Variants in SLIT2 observed in about 807,000 individuals in gnomAD.
The protein encoded by SLIT2 is slit guidance ligand 2, also known as slit homolog 2 protein.
SLIT2 carries 41 observed loss-of-function variants against 185.7 expected under a neutral mutation model. That is an observed-to-expected ratio of 0.22 (90% confidence interval 0.17 to 0.29). SLIT2 has a LOEUF of 0.29. Ranked by LOEUF, SLIT2 falls within the 10% of genes least tolerant of loss-of-function variation. The pLI is 1.00. For missense variants in SLIT2, 1,571 were observed against 1,909.0 expected, an observed-to-expected ratio of 0.82 and a Z score of 3.30; for synonymous variants, 693 against 680.2, an observed-to-expected ratio of 1.02 and a Z score of -0.29.
intron 24 of SLIT2, among the ~76,000 whole-genome samples, chr4:20,550,600 T>C (rs894096443): frequency 6.6e-6 from 1 of 152,120 alleles, no homozygotes; most frequent in African/African-American, 2.4e-5. Context: ...AATACATTTT[T>C]ATTTTTACAT....
At chr4:20,285,594 C>T (rs1715187174) in intron 4 of SLIT2, among the ~76,000 whole-genome samples, 1 of 152,094 alleles carries the variant, frequency 6.6e-6, no homozygotes, top group Non-Finnish European at 1.5e-5. Context: ...CTCTGTTATG[C>T]AGGGAGTGCA....
intron 4 of SLIT2, among the ~76,000 whole-genome samples, chr4:20,411,154 GT>G (rs1184690742): frequency 5.3e-5 from 8 of 152,064 alleles, no homozygotes; most frequent in African/African-American, 1.9e-4. Context: ...GTAGTCCTAG[GT>G]ATTTTATTCT....
At chr4:20,320,716 G>A (rs1249014850) in intron 4 of SLIT2, among the ~76,000 whole-genome samples, 1 of 152,118 alleles carries the variant, frequency 6.6e-6, no homozygotes, top group African/African-American at 2.4e-5. Flanking sequence ...ATATCACAAA[G>A]GGGTTAAGTG....
intron 4 of SLIT2, among the ~76,000 whole-genome samples, chr4:20,308,915 A>T (rs1475425902): frequency 6.6e-6 from 1 of 152,152 alleles, no homozygotes; most frequent in South Asian, 2.1e-4. Context: ...TCATTTTCTT[A>T]TACTTACTTG....
rs1403726025 is a variant in SLIT2, at chr4:20,472,626, ATC to A, written c.467+4805_467+4806del. ...TAGATATATCTATATATATCGATAT[ATC>A]TATATATATCGATATATATATTTAA... On this transcript the variant is annotated intron_variant, in intron 5 of 36. Transcript: ENST00000504154. Among the ~76,000 whole-genome samples, 43 of 130,012 alleles carry A rather than the reference ATC, an allele frequency of 3.3e-4. 15 individuals carry two copies. The highest frequency in any genetic ancestry group is 5.5e-4 in the Non-Finnish European group (34 of 61,580). The allele number at this position is 130,012 out of a possible 152,430, so 85.3% of individuals were successfully genotyped here. A position where few individuals can be genotyped will look rare whatever the true frequency, so the allele number is the denominator to read the frequency against.
At chr4:20,589,495 C>G (rs1727331339) in intron 29 of SLIT2, 149 bp from the exon 30 acceptor site, 1 of 646,516 alleles carries the variant, frequency 1.5e-6, no homozygotes, top group Non-Finnish European at 2.8e-6. Flanking sequence ...TGGTTCCATG[C>G]CTTGTGGCTT....
intron 4 of SLIT2, among the ~76,000 whole-genome samples, chr4:20,379,435 A>G (rs1324787958): frequency 1.3e-5 from 2 of 152,130 alleles, no homozygotes; most frequent in Non-Finnish European, 2.9e-5. Context: ...CCAACTATTA[A>G]TGATAGTAAG....
chr4:20,428,042 A>C (rs907072616), intron 4 of SLIT2, among the ~76,000 whole-genome samples: 2 of 152,220 alleles, frequency 1.3e-5, no homozygotes, highest in East Asian at 1.9e-4. Flanking sequence ...AATTGTTCAC[A>C]GCAAAGAGAA....
chr4:20,272,243 C>A (rs1713702499), intron 4 of SLIT2, among the ~76,000 whole-genome samples: 1 of 148,476 alleles, frequency 6.7e-6, no homozygotes. Flanking sequence ...TCCAGGGAAA[C>A]TAAAATAAGG....
chr4:20,429,648 G>T lies in SLIT2; in HGVS notation c.396-38104G>T, dbSNP rs570491021. 5.3e-4 allele frequency among the ~76,000 whole-genome samples: 80 copies of T among 152,270 alleles called. No homozygotes were observed. In the South Asian group the frequency reaches 0.015, roughly 28 times the overall value. On this transcript the variant is annotated intron_variant, in intron 4 of 36. Transcript: ENST00000504154. The stretch of plus-strand genomic sequence containing the variant: ...AGGGGAGAGCTATTTCAGATGGGAG[G>T]ATCAGAGACAGCCTCTTTGAGAATT...
chr4:20,252,115 A>G lies in SLIT2; in HGVS notation c.-1701A>G, dbSNP rs1420864432. ...GGGCACGGCGGGAGTGCTGAGCAGAAAGGGGAGCGCCGGGGGCCCGCAGCC... is the reference window on the plus strand; with the variant it reads ...GGGCACGGCGGGAGTGCTGAGCAGAGAGGGGAGCGCCGGGGGCCCGCAGCC... On this transcript the variant is annotated 5_prime_UTR_variant, in exon 1 of 37. Transcript: ENST00000504154. 6.6e-6 allele frequency among the ~76,000 whole-genome samples: 1 copy of G among 151,902 alleles called. No homozygotes were observed. Among genetic ancestry groups the G allele is most frequent in the Non-Finnish European group, 1.5e-5 (1 of 67,958 alleles).
chr4:20,503,439 A>G (rs1167449782), intron 9 of SLIT2, among the ~76,000 whole-genome samples: 1 of 152,176 alleles, frequency 6.6e-6, no homozygotes. Context: ...TTAATGAGAA[A>G]TAAAACAACA....
At chr4:20,573,654 A>G (rs1725820742) in intron 29 of SLIT2, among the ~76,000 whole-genome samples, 1 of 152,202 alleles carries the variant, frequency 6.6e-6, no homozygotes, top group Non-Finnish European at 1.5e-5. Flanking sequence ...ATAAGGCTGT[A>G]GATAGAAAAA....
intron 4 of SLIT2, among the ~76,000 whole-genome samples, chr4:20,282,204 A>G (rs185280077): frequency 6.6e-6 from 1 of 152,328 alleles, no homozygotes; most frequent in African/African-American, 2.4e-5. Flanking sequence ...TCTAATTTAA[A>G]AAGAGAAAAG....
chr4:20,363,424 T>C (rs905569875), intron 4 of SLIT2, among the ~76,000 whole-genome samples: 3 of 152,166 alleles, frequency 2.0e-5, no homozygotes, highest in Admixed American at 1.3e-4. Context: ...TTTACATCTA[T>C]GTTTGCTTAA....
chr4:20,576,844 A>C (rs1726121760), intron 29 of SLIT2, among the ~76,000 whole-genome samples: 1 of 152,166 alleles, frequency 6.6e-6, no homozygotes, highest in Non-Finnish European at 1.5e-5. Context: ...GAATTTATTT[A>C]TTTTGAAAAC....
chr4:20,583,121 G>A (rs966630779), intron 29 of SLIT2, among the ~76,000 whole-genome samples: 16 of 152,168 alleles, frequency 1.1e-4, no homozygotes, highest in Admixed American at 8.5e-4. Context: ...CAAAACTGCC[G>A]ATAAAGGGGG....
Position 20,573,131 on chromosome 4 carries a change from C to T in SLIT2, c.3088+4127C>T, listed in dbSNP as rs1336911491. ...AGCCTTGCTTCAGCTTGCTCGCCCA[C>T]CCCTGCTTCTCTGTTGTGAACGCTG... On this transcript the variant is annotated intron_variant, in intron 29 of 36. Transcript: ENST00000504154. 1.7e-5 allele frequency: 12 copies of T among 690,404 alleles called. No individual in the cohort carries two copies. The East Asian group carries it at 3.2e-4, about 19-fold the overall frequency. 42.8% of individuals were successfully genotyped at this position (690,404 alleles called of 1,614,324 possible).
chr4:20,460,300 A>G (rs1713562034), intron 4 of SLIT2, among the ~76,000 whole-genome samples: 1 of 152,202 alleles, frequency 6.6e-6, no homozygotes, highest in African/African-American at 2.4e-5. Context: ...AACAGGAGAG[A>G]AAGTTATTTA....
Sources: gnomAD v4.1 joint callset for allele counts (sites outside exome capture counted in the v4.1 genomes callset) on GRCh38, gnomAD v4.1.1 for gene constraint, MANE v1.5 for transcripts, NCBI Gene and HGNC (gene_info 2026-07-23, HGNC 2026-07-21) for gene names.